The following STT3B variants were observed in gnomAD, a reference collection of about 807,000 sequenced individuals.
The protein encoded by STT3B is dolichyl-diphosphooligosaccharide--protein glycosyltransferase subunit STT3B.
Under a neutral mutation model 96.8 loss-of-function variants are expected in STT3B, and 29 were observed. The ratio of observed to expected loss-of-function variants is 0.30; its 90% CI spans 0.22 to 0.41. STT3B has a LOEUF of 0.41. STT3B is among the 10% of genes least tolerant of loss of function. STT3B has a pLI of 1.00. For synonymous variants in STT3B, 367 were observed against 360.0 expected (o/e 1.02, Z -0.22); for missense variants, 640 against 1,022.3 (o/e 0.63, Z 5.10).
intron 1 of STT3B, among the ~76,000 whole-genome samples, chr3:31,535,001 C>A (rs571872877): frequency 6.2e-4 from 94 of 152,202 alleles, no homozygotes; most frequent in African/African-American, 2.1e-3. Flanking sequence ...CTAGTATTTA[C>A]TGGACAATAT....
chr3:31,589,842 C>A (rs1698627291), intron 3 of STT3B, among the ~76,000 whole-genome samples: 1 of 151,630 alleles, frequency 6.6e-6, no homozygotes, highest in Non-Finnish European at 1.5e-5. Flanking sequence ...TTTTTCCTTG[C>A]CTGGTTGTAC....
intron 1 of STT3B, among the ~76,000 whole-genome samples, chr3:31,534,597 T>G (rs1399243747): frequency 1.3e-5 from 2 of 152,164 alleles, no homozygotes; most frequent in Non-Finnish European, 2.9e-5. Context: ...ATAATAAGTG[T>G]TCGGGTGGAG....
intron 1 of STT3B, among the ~76,000 whole-genome samples, chr3:31,546,127 G>A (rs1211825385): frequency 1.3e-5 from 2 of 152,172 alleles, no homozygotes; most frequent in Admixed American, 1.3e-4. Context: ...GATGTTTGCT[G>A]GGGTATATAC....
rs531406194 is a variant in STT3B at position 31,558,118 on chromosome 3, T to C, written c.315-18278T>C. Among the ~76,000 whole-genome samples the C allele has an allele frequency of 2.0e-5, 3 of 152,374 alleles. 1 individual carries two copies. The highest frequency in any genetic ancestry group is 7.2e-5 in the African/African-American group (3 of 41,600). On this transcript the variant is annotated intron_variant, in intron 1 of 15. Transcript: ENST00000295770. ...TTTTTCCAAATATAAGATCAGGTGATATGCAAAGTGGGACAGTTTAGCTTT... is the reference window on the plus strand; with the variant it reads ...TTTTTCCAAATATAAGATCAGGTGACATGCAAAGTGGGACAGTTTAGCTTT...
At chr3:31,567,582 G>A (rs917976203) in intron 1 of STT3B, among the ~76,000 whole-genome samples, 15 of 152,012 alleles carry the variant, frequency 9.9e-5, no homozygotes, top group Admixed American at 7.2e-4. Context: ...TTTCTGATAC[G>A]GTGTCACTTT....
At chr3:31,609,921 G>A (rs537472442) in intron 5 of STT3B, among the ~76,000 whole-genome samples, 5 of 152,288 alleles carry the variant, frequency 3.3e-5, no homozygotes, top group South Asian at 2.1e-4. Flanking sequence ...TTTTGAACAC[G>A]TAAGTAATTT....
chr3:31,579,888 A>G lies in STT3B; in HGVS notation c.503A>G (p.Asp168Gly). The change falls in exon 3 of 16, where the codon GAC becomes GGC. Residue 168 changes from aspartate (D) to glycine (G), a missense_variant. Coordinates refer to ENST00000295770, the MANE Select transcript of STT3B (RefSeq NM_178862.3). Reference sequence around the variant, plus strand: ...TTGAACATAACTGTTCACATAAGAGACGTATGTGTGTTCCTTGCACCAACT... The same window carrying G: ...TTGAACATAACTGTTCACATAAGAGGCGTATGTGTGTTCCTTGCACCAACT... The part of the protein sequence containing the change: ...NTLNITVHIR[D>G]VCVFLAPTFS... The G allele has an allele frequency of 6.2e-7, 1 of 1,613,336 alleles. No homozygotes were observed. Among genetic ancestry groups the G allele is most frequent in the Non-Finnish European group, 8.5e-7 (1 of 1,179,324 alleles).
intron 15 of STT3B, among the ~76,000 whole-genome samples, chr3:31,633,814 AAGTAATGAAC>A (rs1699710592): frequency 6.6e-6 from 1 of 152,132 alleles, no homozygotes; most frequent in Non-Finnish European, 1.5e-5. Flanking sequence ...AGGAAATGGG[AAGTAATGAAC>A]AGTCAGATAA....
chr3:31,533,255 G>A lies in STT3B; in HGVS notation c.257G>A (p.Ser86Asn). Residue 86 changes from serine to asparagine, a missense_variant, in exon 1 of 16, where the codon AGC becomes AAC. By Grantham distance (46) the Ser-to-Asn change is conservative (BLOSUM62 1). Transcript: ENST00000295770. ...ILFLAWLAGF[S>N]SRLFAVIRFE... Reference sequence around the variant, plus strand: ...TTCCTGGCCTGGCTTGCCGGCTTCAGCTCGCGCCTCTTCGCCGTCATCCGC... The same window carrying A: ...TTCCTGGCCTGGCTTGCCGGCTTCAACTCGCGCCTCTTCGCCGTCATCCGC... 2.6e-6 allele frequency: 4 copies of A among 1,517,780 alleles called. No homozygotes were observed. Among genetic ancestry groups the A allele is most frequent in the Non-Finnish European group, 3.5e-6 (4 of 1,133,048 alleles). 94.0% of individuals were successfully genotyped at this position (1,517,780 alleles called of 1,614,324 possible).
chr3:31,548,298 C>T (rs922811471), intron 1 of STT3B, among the ~76,000 whole-genome samples: 1 of 151,564 alleles, frequency 6.6e-6, no homozygotes, highest in African/African-American at 2.4e-5. Flanking sequence ...CCAGGTTGAG[C>T]ATAGTAACAC....
At chr3:31,592,892 T>C (rs1352698888) in intron 3 of STT3B, among the ~76,000 whole-genome samples, 1 of 152,202 alleles carries the variant, frequency 6.6e-6, no homozygotes, top group Non-Finnish European at 1.5e-5. Context: ...TTAAATCCCC[T>C]GTCAGTCACT....
At chr3:31,559,309 T>C (rs1007329123) in intron 1 of STT3B, among the ~76,000 whole-genome samples, 1 of 149,846 alleles carries the variant, frequency 6.7e-6, no homozygotes, top group African/African-American at 2.5e-5. Flanking sequence ...TTGGAGTCTT[T>C]GTATTTTTTT....
intron 14 of STT3B, 115 bp from the exon 15 acceptor site, chr3:31,632,816 CTTGA>C (rs1699690468): frequency 6.9e-6 from 6 of 864,086 alleles, no homozygotes; most frequent in Non-Finnish European, 1.1e-5. Flanking sequence ...AGATAGATTA[CTTGA>C]TTGTTTTCCT....
At chr3:31,623,004 T>C (rs958724919) in intron 10 of STT3B, among the ~76,000 whole-genome samples, 18 of 152,232 alleles carry the variant, frequency 1.2e-4, no homozygotes, top group Admixed American at 1.1e-3. Context: ...TTCTATAAGA[T>C]GAATGTAATT....
chr3:31,625,908 T>C lies in STT3B; in HGVS notation c.1900-46T>C, dbSNP rs1351834580. On this transcript the variant is annotated intron_variant, in intron 12 of 15. Coordinates refer to ENST00000295770, the MANE Select transcript of STT3B (RefSeq NM_178862.3). ...AAAAATATACATTGATTTTTATGAA[T>C]GTGGGAATAATCAAAAACATTCTCA... The C allele has an allele frequency of 3.1e-5, 46 of 1,479,942 alleles. 1 individual carries two copies. Among genetic ancestry groups the C allele is most frequent in the Non-Finnish European group, 4.2e-5 (46 of 1,096,786 alleles). The allele number at this position is 1,479,942 out of a possible 1,614,324, so 91.7% of individuals were successfully genotyped here.
intron 1 of STT3B, among the ~76,000 whole-genome samples, chr3:31,548,463 A>G (rs1697470076): frequency 6.6e-6 from 1 of 152,196 alleles, no homozygotes; most frequent in Admixed American, 6.5e-5. Context: ...TATTTTTAAC[A>G]TTTGTATTCT....
At chr3:31,626,168 A>G in intron 13 of STT3B, 41 bp downstream of exon 13, 1 of 1,505,676 alleles carries the variant, frequency 6.6e-7, no homozygotes, top group Non-Finnish European at 9.2e-7. Context: ...AAGATAGCTC[A>G]CTGTGTCCTC....
intron 5 of STT3B, among the ~76,000 whole-genome samples, chr3:31,611,275 C>T (rs1433471989): frequency 1.3e-5 from 2 of 152,066 alleles, no homozygotes; most frequent in Admixed American, 6.6e-5. Flanking sequence ...ACCTTTCTTC[C>T]TAATATTATG....
At chr3:31,550,675 C>T (rs969859155) in intron 1 of STT3B, among the ~76,000 whole-genome samples, 8 of 152,188 alleles carry the variant, frequency 5.3e-5, no homozygotes, top group African/African-American at 1.9e-4. Context: ...ATAACTCTCT[C>T]ATGAGTTTCC....
Sources: allele counts gnomAD v4.1 joint callset (sites outside exome capture counted in the v4.1 genomes callset), GRCh38; gene constraint gnomAD v4.1.1; transcripts MANE v1.5; gene names NCBI Gene and HGNC (gene_info 2026-07-23, HGNC 2026-07-21).